SLC16A9: variants seen among roughly 807,000 people sequenced by gnomAD.
SLC16A9 encodes solute carrier family 16 member 9, also known as monocarboxylate transporter 9.
In SLC16A9, 26 loss-of-function variants were observed where a neutral mutation model predicts 44.3. The ratio of observed to expected loss-of-function variants is 0.59; its 90% confidence interval spans 0.43 to 0.81. SLC16A9 has a LOEUF of 0.81. Among genes scored for constraint, SLC16A9 ranks in the 40% least tolerant of loss-of-function variants. SLC16A9 has a pLI of 0.00. For synonymous variants in SLC16A9, 230 were observed against 225.1 expected (o/e 1.02, Z -0.19); for missense variants, 559 against 595.8 (o/e 0.94, Z 0.64).
At chr10:59,674,415 T>G (rs1839816055) in intron 2 of SLC16A9, among the ~76,000 whole-genome samples, 1 of 152,200 alleles carries the variant, frequency 6.6e-6, no homozygotes, top group African/African-American at 2.4e-5. Flanking sequence ...GGCCATAAAT[T>G]GGACCCTCCC....
chr10:59,700,136 G>A (rs1588998310), intron 1 of SLC16A9, among the ~76,000 whole-genome samples: 3 of 152,206 alleles, frequency 2.0e-5, no homozygotes, highest in African/African-American at 7.2e-5. Context: ...GTTAGTGACA[G>A]CCAAAAAAAG....
In SLC16A9 at chr10:59,672,760, G is replaced by C; in HGVS notation, c.340+10C>G. Reference sequence around the variant, plus strand: ...AAGGTTAGGAAAGTCATAGTGACGAGGTTCCTTACCTACAACAATGCCATA... The same window carrying C: ...AAGGTTAGGAAAGTCATAGTGACGACGTTCCTTACCTACAACAATGCCATA... On this transcript the variant is annotated intron_variant, in intron 3 of 5. Coordinates refer to ENST00000395348, the MANE Select transcript of SLC16A9 (RefSeq NM_194298.3). The C allele has an allele frequency of 6.2e-7, 1 of 1,608,954 alleles. No homozygotes were observed. The highest frequency in any genetic ancestry group is 8.5e-7 in the Non-Finnish European group (1 of 1,178,094).
intron 2 of SLC16A9, among the ~76,000 whole-genome samples, chr10:59,676,244 G>T (rs1839855247): frequency 1.3e-5 from 2 of 152,102 alleles, no homozygotes; most frequent in African/African-American, 4.8e-5. Flanking sequence ...TATTCACATA[G>T]ATTTAAAACA....
intron 2 of SLC16A9, among the ~76,000 whole-genome samples, chr10:59,678,729 G>C (rs1839919707): frequency 6.9e-6 from 1 of 143,960 alleles, no homozygotes; most frequent in Non-Finnish European, 1.5e-5. Context: ...ATTTTTAGTA[G>C]AGACGGGTTT....
chr10:59,674,344 G>A (rs536720756), intron 2 of SLC16A9, among the ~76,000 whole-genome samples: 41 of 152,066 alleles, frequency 2.7e-4, no homozygotes, highest in African/African-American at 9.6e-4. Flanking sequence ...CCAGTTTATG[G>A]CCCCTGAGAT....
intron 1 of SLC16A9, among the ~76,000 whole-genome samples, chr10:59,690,759 T>C (rs1191438996): frequency 1.3e-5 from 2 of 152,066 alleles, no homozygotes; most frequent in African/African-American, 2.4e-5. Flanking sequence ...GAATTAATCA[T>C]TTATATTATC....
At chr10:59,682,877 AT>A (rs750552539) in intron 2 of SLC16A9, among the ~76,000 whole-genome samples, 4 of 150,706 alleles carry the variant, frequency 2.7e-5, no homozygotes, top group Admixed American at 6.6e-5. Context: ...TAATGGCTAT[AT>A]TATTTTTTTT....
intron 4 of SLC16A9, among the ~76,000 whole-genome samples, chr10:59,655,550 T>G (rs1040115516): frequency 6.6e-6 from 1 of 152,198 alleles, no homozygotes; most frequent in African/African-American, 2.4e-5. Flanking sequence ...AGTAGAATTT[T>G]TTTAGGGTAT....
At chr10:59,706,630 T>TACACACACACACACACACACACACACAC (rs60450481) in intron 1 of SLC16A9, among the ~76,000 whole-genome samples, 2 of 145,928 alleles carry the variant, frequency 1.4e-5, no homozygotes, top group African/African-American at 2.6e-5. Flanking sequence ...AGAAATGTGA[T>TACACACACACACACACACACACACACAC]ACACACACAC....
chr10:59,670,818 A>C (rs1208893431), intron 3 of SLC16A9, among the ~76,000 whole-genome samples: 1 of 152,090 alleles, frequency 6.6e-6, no homozygotes, highest in East Asian at 1.9e-4. Flanking sequence ...TATCCCATTT[A>C]TTTATCCCAC....
chr10:59,685,861 A>G (rs1270977405), intron 1 of SLC16A9, among the ~76,000 whole-genome samples: 1 of 152,222 alleles, frequency 6.6e-6, no homozygotes, highest in East Asian at 1.9e-4. Context: ...GTTCAAGAGC[A>G]TTGAGCTAAT....
At chr10:59,678,530 T>TG (rs796632724) in intron 2 of SLC16A9, among the ~76,000 whole-genome samples, 66 of 17,658 alleles carry the variant, frequency 3.7e-3, no homozygotes, top group African/African-American at 6.7e-3. Context: ...AATCTTTTTT[T>TG]TTTCTTTTTC....
At chr10:59,697,235 T>C (rs1042947194) in intron 1 of SLC16A9, among the ~76,000 whole-genome samples, 2 of 151,690 alleles carry the variant, frequency 1.3e-5, no homozygotes, top group Non-Finnish European at 2.9e-5. Flanking sequence ...GGAGGTGTAC[T>C]CAACAGCTCA....
chr10:59,708,940 A>G (rs1840703572), intron 1 of SLC16A9, among the ~76,000 whole-genome samples: 1 of 152,194 alleles, frequency 6.6e-6, no homozygotes, highest in South Asian at 2.1e-4. Context: ...CCTGGCGCCA[A>G]CGTGCAGAAT....
rs146252533 is a variant in SLC16A9, at chr10:59,685,014, C to T, written c.-36-687G>A. Among the ~76,000 whole-genome samples, 457 of 152,266 alleles carry T rather than the reference C, an allele frequency of 3.0e-3. 1 individual carries two copies. Among genetic ancestry groups the T allele is most frequent in the African/African-American group, 0.011 (437 of 41,544 alleles). Reference sequence around the variant, plus strand: ...GAACTCTGTCATTCCTGAAGGAGGCCTGGAATGGAACTGGCAGCACATCAC... The same window carrying T: ...GAACTCTGTCATTCCTGAAGGAGGCTTGGAATGGAACTGGCAGCACATCAC... On this transcript the variant is annotated intron_variant, in intron 1 of 5. Transcript: ENST00000395348.
At chr10:59,681,510 G>GTAT (rs1242566568) in intron 2 of SLC16A9, among the ~76,000 whole-genome samples, 3 of 80,964 alleles carry the variant, frequency 3.7e-5, no homozygotes, top group Non-Finnish European at 5.1e-5. Flanking sequence ...ATATGTATAT[G>GTAT]ATGTATATGT....
chr10:59,685,282 T>C (rs761747770), intron 1 of SLC16A9, among the ~76,000 whole-genome samples: 8 of 152,194 alleles, frequency 5.3e-5, no homozygotes, highest in Non-Finnish European at 1.2e-4. Flanking sequence ...CTTATTTATT[T>C]ACTCACTGAA....
chr10:59,686,780 A>G (rs892269705), intron 1 of SLC16A9, among the ~76,000 whole-genome samples: 1 of 152,042 alleles, frequency 6.6e-6, no homozygotes, highest in African/African-American at 2.4e-5. Flanking sequence ...TATACTTCCA[A>G]TTTCCTTTTT....
intron 4 of SLC16A9, among the ~76,000 whole-genome samples, chr10:59,659,386 A>T (rs1019786005): frequency 6.6e-6 from 1 of 152,150 alleles, no homozygotes; most frequent in Non-Finnish European, 1.5e-5. Context: ...TCCTATCTTT[A>T]AAGAAACAAA....
Sources: allele counts gnomAD v4.1 joint callset (sites outside exome capture counted in the v4.1 genomes callset), GRCh38; gene constraint gnomAD v4.1.1; transcripts MANE v1.5; gene names NCBI Gene and HGNC (gene_info 2026-07-23, HGNC 2026-07-21).